SLC1A1: variants seen among roughly 807,000 people sequenced by gnomAD.
SLC1A1 encodes the protein excitatory amino acid transporter 3.
In SLC1A1, 43 loss-of-function variants were observed where a neutral mutation model predicts 53.3. That is an observed-to-expected ratio of 0.81 (90% CI 0.63 to 1.04). SLC1A1 has a LOEUF of 1.04. Ranked by LOEUF, SLC1A1 falls within the 50% of genes least tolerant of loss-of-function variation. SLC1A1 has a pLI of 0.00. For synonymous variants in SLC1A1, 307 were observed against 243.2 expected, an observed-to-expected ratio of 1.26 and a Z score of -2.44; for missense variants, 748 against 664.9, an observed-to-expected ratio of 1.12 and a Z score of -1.37.
chr9:4,569,474 C>A (rs190271641), intron 6 of SLC1A1, among the ~76,000 whole-genome samples: 17 of 152,298 alleles, frequency 1.1e-4, no homozygotes, highest in African/African-American at 3.8e-4. Flanking sequence ...AATCAACATG[C>A]TTTGAGAGCT....
chr9:4,490,750 C>G lies in SLC1A1; in HGVS notation c.71C>G (p.Thr24Ser). The G allele has an allele frequency of 6.2e-7, 1 of 1,612,556 alleles. No individual in the cohort carries two copies. ...FLKNNWVLLSTVAAVVLGITT... is the reference protein window; with the variant it reads ...FLKNNWVLLSSVAAVVLGITT... ...AAGAATAACTGGGTGTTGCTGTCCA[C>G]CGTGGCCGCGGTGGTGCTAGGTGAG... Residue 24 changes from threonine (T) to serine (S), a missense_variant, in exon 1 of 12, where the codon ACC becomes AGC. Physicochemically the swap from Thr to Ser is moderately conservative, Grantham distance 58 (BLOSUM62 1). Transcript: ENST00000262352.
At chr9:4,571,691 A>AATAC (rs1239513007) in intron 6 of SLC1A1, among the ~76,000 whole-genome samples, 1 of 151,734 alleles carries the variant, frequency 6.6e-6, no homozygotes, top group African/African-American at 2.4e-5. Context: ...AAAATAAATA[A>AATAC]ATAAATAAAT....
At chr9:4,508,841 G>A (rs1431148655) in intron 1 of SLC1A1, among the ~76,000 whole-genome samples, 4 of 152,220 alleles carry the variant, frequency 2.6e-5, no homozygotes, top group African/African-American at 4.8e-5. Context: ...TGCAGCAGGT[G>A]TCAATCAAAC....
Position 4,587,107 on chromosome 9 carries a change from T to C in SLC1A1, c.*1549T>C, listed in dbSNP as rs111541654. On this transcript the variant is annotated 3_prime_UTR_variant, in exon 12 of 12. Transcript: ENST00000262352. ...GTGCCAAAGATAGCAGAAGAGTAGATAAGTGCTCAGTATTGACGACCTACA... is the reference window on the plus strand; with the variant it reads ...GTGCCAAAGATAGCAGAAGAGTAGACAAGTGCTCAGTATTGACGACCTACA... 6.6e-6 allele frequency: 1 copy of C among 152,634 alleles called. No individual in the cohort carries two copies. Among genetic ancestry groups the C allele is most frequent in the Non-Finnish European group, 1.5e-5 (1 of 68,036 alleles). 9.5% of individuals were successfully genotyped at this position (152,634 alleles called of 1,614,324 possible).
At chr9:4,581,310 T>C (rs144940749) in intron 10 of SLC1A1, among the ~76,000 whole-genome samples, 283 of 152,334 alleles carry the variant, frequency 1.9e-3, no homozygotes, top group African/African-American at 4.7e-3. Context: ...CTGATATTTA[T>C]GTTTTCTTCT....
chr9:4,547,095 T>C (rs1586751249), intron 2 of SLC1A1, among the ~76,000 whole-genome samples: 1 of 152,368 alleles, frequency 6.6e-6, no homozygotes, highest in South Asian at 2.1e-4. Flanking sequence ...TGAAAATACA[T>C]GCCACTCTTG....
In SLC1A1 at chr9:4,583,882, T is replaced by TCACA. The variant is rs113177004; in HGVS notation, c.1328+737_1328+740dup. 1.9e-4 allele frequency among the ~76,000 whole-genome samples: 26 copies of TCACA among 137,044 alleles called. No individual in the cohort carries two copies. Among genetic ancestry groups the TCACA allele is most frequent in the East Asian group, 6.2e-4 (3 of 4,856 alleles). 89.9% of individuals were successfully genotyped at this position (137,044 alleles called of 152,430 possible). On this transcript the variant is annotated intron_variant, in intron 11 of 11. Transcript: ENST00000262352. The surrounding 1 kb of genome is among the most constrained non-coding windows in gnomAD (Gnocchi z 4.6). The stretch of plus-strand genomic sequence containing the variant: ...CTCTCTCTCTCTCTCTCTCTCTCTC[T>TCACA]CACACACACACACACACACACACAC...
intron 2 of SLC1A1, among the ~76,000 whole-genome samples, chr9:4,557,284 C>T (rs1214593449): frequency 6.6e-6 from 1 of 152,198 alleles, no homozygotes; most frequent in Non-Finnish European, 1.5e-5. Flanking sequence ...GAACTACGTG[C>T]CAGGAGATTT....
chr9:4,585,312 G>A lies in SLC1A1; in HGVS notation c.1329G>A (p.Leu443=). 1.9e-6 allele frequency: 3 copies of A among 1,613,458 alleles called. No individual in the cohort carries two copies. In the South Asian group the frequency reaches 3.3e-5, roughly 18 times the overall value. Residue 443 remains leucine (L), a splice_region_variant and synonymous_variant, in exon 12 of 12, where the codon CTG becomes CTA. Transcript: ENST00000262352. ...VTLIIAVDWL[L]DRFRTMVNVL... ...TCTGACTCCTCCCGTCTCTCCCCAGGGACCGGTTCAGGACCATGGTCAACG... is the reference window on the plus strand; with the variant it reads ...TCTGACTCCTCCCGTCTCTCCCCAGAGACCGGTTCAGGACCATGGTCAACG...
chr9:4,527,861 C>T (rs1056595627), intron 1 of SLC1A1, among the ~76,000 whole-genome samples: 1 of 152,062 alleles, frequency 6.6e-6, no homozygotes, highest in African/African-American at 2.4e-5. Flanking sequence ...GGCATCTCAA[C>T]TTGAACTTTA....
chr9:4,499,047 TATC>T (rs1820546200), intron 1 of SLC1A1, among the ~76,000 whole-genome samples: 1 of 73,514 alleles, frequency 1.4e-5, no homozygotes, highest in Admixed American at 2.1e-4. Flanking sequence ...TGTATATATA[TATC>T]TTTTTTTTTT....
intron 1 of SLC1A1, among the ~76,000 whole-genome samples, chr9:4,507,964 C>T (rs1820859351): frequency 1.3e-5 from 2 of 152,046 alleles, no homozygotes; most frequent in Non-Finnish European, 2.9e-5. Context: ...TGATCTGGGA[C>T]ACGTGATGTT....
chr9:4,566,363 A>G lies in SLC1A1; in HGVS notation c.483+274A>G, dbSNP rs116483382. Reference sequence around the variant, plus strand: ...AAATGGTACAAATCAGAAATCTGTCAAATAATGAGTATTTTAAAATGTGGC... The same window carrying G: ...AAATGGTACAAATCAGAAATCTGTCGAATAATGAGTATTTTAAAATGTGGC... On this transcript the variant is annotated intron_variant, in intron 5 of 11. Coordinates refer to ENST00000262352, the MANE Select transcript of SLC1A1 (RefSeq NM_004170.6). Among the ~76,000 whole-genome samples, 338 of 152,320 alleles carry G rather than the reference A, an allele frequency of 2.2e-3. 2 individuals are homozygous for G. Among genetic ancestry groups the G allele is most frequent in the Middle Eastern group, 0.01 (3 of 294 alleles).
chr9:4,514,395 G>A (rs1423071129), intron 1 of SLC1A1, among the ~76,000 whole-genome samples: 2 of 152,140 alleles, frequency 1.3e-5, no homozygotes, highest in African/African-American at 4.8e-5. Context: ...GGGTATTGTT[G>A]GGCATGGAAG....
At chr9:4,514,369 C>A (rs1412504061) in intron 1 of SLC1A1, among the ~76,000 whole-genome samples, 3 of 152,126 alleles carry the variant, frequency 2.0e-5, no homozygotes, top group Non-Finnish European at 4.4e-5. Flanking sequence ...TTGAGGATAT[C>A]TGACCTAATT....
In SLC1A1 at chr9:4,585,520, T is replaced by A. The variant is rs564172104; in HGVS notation, c.1537T>A (p.Ser513Thr). 2.5e-5 allele frequency: 40 copies of A among 1,614,144 alleles called. No homozygotes were observed. The highest frequency in any genetic ancestry group is 3.3e-4 in the Middle Eastern group (2 of 6,062). The change falls in exon 12 of 12, where the codon TCT (serine) becomes ACT (threonine). Residue 513 changes from serine to threonine, a missense_variant. By Grantham distance (58) the Ser-to-Thr change is moderately conservative (BLOSUM62 1). Coordinates refer to ENST00000262352, the MANE Select transcript of SLC1A1 (RefSeq NM_004170.6). ...CAATGGAGGCTTTGCAGTAGACAAGTCTGACACCATCTCATTCACCCAGAC... is the reference window on the plus strand; with the variant it reads ...CAATGGAGGCTTTGCAGTAGACAAGACTGACACCATCTCATTCACCCAGAC... ...YVNGGFAVDK[S>T]DTISFTQTSQ...
At chr9:4,539,658 G>A (rs1325168085) in intron 1 of SLC1A1, among the ~76,000 whole-genome samples, 1 of 151,966 alleles carries the variant, frequency 6.6e-6, no homozygotes, top group Admixed American at 6.6e-5. Context: ...TGCAACCTCT[G>A]CCTCCCAGGT....
chr9:4,554,778 A>C (rs1332357367), intron 2 of SLC1A1, among the ~76,000 whole-genome samples: 1 of 152,174 alleles, frequency 6.6e-6, no homozygotes, highest in Non-Finnish European at 1.5e-5. Context: ...AAATCACCTG[A>C]TTTATGTTTT....
rs150790011 is a variant in SLC1A1 at position 4,555,583 on chromosome 9, A to G, written c.233-5866A>G. On this transcript the variant is annotated intron_variant, in intron 2 of 11. Transcript: ENST00000262352. ...AAAGCAAATAAATGCCTTTACCTAAAATAAAGAGCTAGCAGGTGCCCCTGA... is the reference window on the plus strand; with the variant it reads ...AAAGCAAATAAATGCCTTTACCTAAGATAAAGAGCTAGCAGGTGCCCCTGA... Among the ~76,000 whole-genome samples the G allele has an allele frequency of 4.6e-5, 7 of 152,330 alleles. 1 individual carries two copies. The East Asian group carries it at 1.3e-3, about 29-fold the overall frequency.
Sources: allele counts gnomAD v4.1 joint callset (sites outside exome capture counted in the v4.1 genomes callset), GRCh38; gene constraint gnomAD v4.1.1; non-coding constraint Gnocchi (gnomAD v3.1); transcripts MANE v1.5; gene names NCBI Gene and HGNC (gene_info 2026-07-23, HGNC 2026-07-21).